ECPAS: variants seen among roughly 807,000 people sequenced by gnomAD.
The protein encoded by ECPAS is Ecm29 proteasome adaptor and scaffold, also known as proteasome adapter and scaffold protein ECM29.
In ECPAS, 70 loss-of-function variants were observed where a neutral mutation model predicts 255.1. The ratio of observed to expected loss-of-function variants is 0.27; its 90% CI spans 0.23 to 0.33. The LOEUF is 0.33. Among genes scored for constraint, ECPAS ranks in the 10% least tolerant of loss-of-function variants. ECPAS has a pLI of 1.00. For missense variants in ECPAS, 1,817 were observed against 2,206.4 expected (o/e 0.82, Z 3.54); for synonymous variants, 784 against 775.0 (o/e 1.01, Z -0.19).
intron 1 of ECPAS, among the ~76,000 whole-genome samples, chr9:111,478,958 T>C (rs1205682942): frequency 1.3e-5 from 2 of 152,178 alleles, no homozygotes; most frequent in Admixed American, 1.3e-4. Context: ...AATCTGGCAA[T>C]GCATCTGATT....
chr9:111,474,086 A>G (rs2098293133), intron 1 of ECPAS, among the ~76,000 whole-genome samples: 1 of 152,246 alleles, frequency 6.6e-6, no homozygotes, highest in Admixed American at 6.5e-5. Context: ...AAGTATCAGA[A>G]TCAGGATTCA....
chr9:111,479,546 T>C (rs959750229), intron 1 of ECPAS, among the ~76,000 whole-genome samples: 14 of 152,062 alleles, frequency 9.2e-5, no homozygotes, highest in African/African-American at 3.1e-4. Flanking sequence ...TGAGCCAAGA[T>C]GGCGCCATTC....
At chr9:111,392,626 A>G (rs979515193) in intron 28 of ECPAS, 142 bp downstream of exon 28, 8 of 605,574 alleles carry the variant, frequency 1.3e-5, no homozygotes, top group Non-Finnish European at 1.7e-5. Context: ...TATCCACAGC[A>G]CAACAATTAT....
At chr9:111,383,944 TTAAA>T (rs2098143782) in intron 34 of ECPAS, among the ~76,000 whole-genome samples, 3 of 144,134 alleles carry the variant, frequency 2.1e-5, no homozygotes, top group Non-Finnish European at 3.0e-5. Context: ...AAATAAAAAA[TTAAA>T]TAAAGAAGTT....
chr9:111,446,476 A>T (rs1443590591), intron 3 of ECPAS, among the ~76,000 whole-genome samples: 2 of 152,262 alleles, frequency 1.3e-5, no homozygotes, highest in African/African-American at 2.4e-5. Flanking sequence ...GCATGCATAA[A>T]GAAAGCTGTA....
intron 2 of ECPAS, among the ~76,000 whole-genome samples, chr9:111,458,992 A>C (rs1382770442): frequency 6.6e-6 from 1 of 152,134 alleles, no homozygotes; most frequent in Non-Finnish European, 1.5e-5. Flanking sequence ...GGAGACCCCC[A>C]AATCTGTATC....
intron 1 of ECPAS, among the ~76,000 whole-genome samples, chr9:111,480,672 T>C (rs1314127120): frequency 6.6e-6 from 1 of 152,224 alleles, no homozygotes; most frequent in Admixed American, 6.5e-5. Context: ...ATGAAACTTC[T>C]TAACCAGTGT....
At chr9:111,480,830 T>C (rs1391121242) in intron 1 of ECPAS, among the ~76,000 whole-genome samples, 1 of 152,220 alleles carries the variant, frequency 6.6e-6, no homozygotes, top group Non-Finnish European at 1.5e-5. Flanking sequence ...AAGGCAAGGA[T>C]TGGAATTATT....
chr9:111,394,405 C>T, intron 25 of ECPAS, 100 bp from the exon 26 acceptor site: 2 of 1,122,488 alleles, frequency 1.8e-6, no homozygotes, highest in South Asian at 2.5e-5. Context: ...CAGAACAATC[C>T]TATATAAAAA....
rs1037777447 is a variant in ECPAS at position 111,425,328 on chromosome 9, T to C, written c.1215+90A>G. On this transcript the variant is annotated intron_variant, in intron 12 of 49. Transcript: ENST00000684092. ...AGGAACAGTGAAACTTTAACAAACT[T>C]TTAACTAACTACATTGACAGACCAG... 5 of 825,020 alleles carry C rather than the reference T, an allele frequency of 6.1e-6. No individual in the cohort carries two copies. In the South Asian group the frequency reaches 1.3e-4, roughly 21 times the overall value. 51.1% of individuals were successfully genotyped at this position (825,020 alleles called of 1,614,324 possible).
At chr9:111,467,777 A>G (rs1401677145) in intron 2 of ECPAS, among the ~76,000 whole-genome samples, 1 of 152,212 alleles carries the variant, frequency 6.6e-6, no homozygotes, top group Non-Finnish European at 1.5e-5. Context: ...AAGTATATAA[A>G]ATACATCACA....
chr9:111,377,346 C>T (rs1392314006), intron 36 of ECPAS, among the ~76,000 whole-genome samples: 1 of 151,848 alleles, frequency 6.6e-6, no homozygotes, highest in Non-Finnish European at 1.5e-5. Flanking sequence ...GGAACATAAA[C>T]ACAATCACAG....
intron 48 of ECPAS, among the ~76,000 whole-genome samples, chr9:111,365,388 G>A (rs1475415569): frequency 6.6e-6 from 1 of 151,898 alleles, no homozygotes. Context: ...ATTACTGGCT[G>A]GGTGTGGTGG....
At chr9:111,427,070 G>A (rs964249825) in intron 10 of ECPAS, among the ~76,000 whole-genome samples, 5 of 151,648 alleles carry the variant, frequency 3.3e-5, no homozygotes, top group Admixed American at 3.3e-4. Context: ...TGAGGTGGAA[G>A]GATCACTTCA....
chr9:111,445,743 G>A (rs1589211698), intron 3 of ECPAS, among the ~76,000 whole-genome samples: 1 of 151,766 alleles, frequency 6.6e-6, no homozygotes, highest in Non-Finnish European at 1.5e-5. Flanking sequence ...TTTTTACATA[G>A]GTATACACGT....
At chr9:111,400,799 A>T (rs894699788) in intron 24 of ECPAS, among the ~76,000 whole-genome samples, 1 of 152,224 alleles carries the variant, frequency 6.6e-6, no homozygotes, top group Non-Finnish European at 1.5e-5. Context: ...AGAGGCTAAG[A>T]GTTATTTGCC....
chr9:111,419,647 ACAT>A (rs1192479049), intron 16 of ECPAS, among the ~76,000 whole-genome samples: 3 of 151,628 alleles, frequency 2.0e-5, no homozygotes, highest in Non-Finnish European at 4.4e-5. Flanking sequence ...CAAACCATCA[ACAT>A]CAGCCTTTTT....
In ECPAS at chr9:111,361,306, G is replaced by A. The variant is rs2098113009; in HGVS notation, c.*724C>T. The A allele has an allele frequency of 6.6e-6, 1 of 152,218 alleles. No homozygotes were observed. Among genetic ancestry groups the A allele is most frequent in the East Asian group, 1.9e-4 (1 of 5,198 alleles). The allele number at this position is 152,218 out of a possible 1,614,324, so 9.4% of individuals were successfully genotyped here. ...CGATTGGAATTATCCGAAGGAGACT[G>A]ACTCTGTCCTCTCCATCTGTAAAGA... On this transcript the variant is annotated 3_prime_UTR_variant, in exon 50 of 50. Coordinates refer to ENST00000684092, the MANE Select transcript of ECPAS (RefSeq NM_001364929.1).
chr9:111,378,478 G>T, intron 36 of ECPAS, 102 bp downstream of exon 36: 2 of 1,230,260 alleles, frequency 1.6e-6, no homozygotes, highest in Non-Finnish European at 1.1e-6. Flanking sequence ...CAGAGGGTGA[G>T]TTCTGGTAAC....
Sources: gnomAD v4.1 joint callset for allele counts (sites outside exome capture counted in the v4.1 genomes callset) on GRCh38, gnomAD v4.1.1 for gene constraint, MANE v1.5 for transcripts, NCBI Gene and HGNC (gene_info 2026-07-23, HGNC 2026-07-21) for gene names.